Variants in TRMU observed in about 807,000 individuals in gnomAD.
TRMU encodes the protein tRNA mitochondrial 2-thiouridylase.
A neutral mutation model predicts 46.9 loss-of-function variants in TRMU; 49 were observed. The ratio of observed to expected loss-of-function variants is 1.05; its 90% CI spans 0.83 to 1.33. The LOEUF (loss-of-function observed/expected upper bound fraction) is 1.33. Ranked by LOEUF, TRMU falls within the 40% of genes most tolerant of loss-of-function variation. TRMU has a pLI of 0.00. For missense variants in TRMU, 572 were observed against 532.4 expected (o/e 1.07, Z -0.73); for synonymous variants, 241 against 200.9 (o/e 1.20, Z -1.69).
In TRMU at chr22:46,355,533, G is replaced by A. The variant is rs201210055; in HGVS notation, c.963G>A (p.Leu321=). Reference sequence around the variant, plus strand: ...TTGCGGAGGAGCCTCCCGCAGCACTGGTCCGGGACAAGATGATGGAGTGCC... The same window carrying A: ...TTGCGGAGGAGCCTCCCGCAGCACTAGTCCGGGACAAGATGATGGAGTGCC... ...HWIAEEPPAA[L]VRDKMMECHF... is the part of the protein sequence containing the mutation. The change falls in exon 9 of 11, where the codon CTG becomes CTA. Residue 321 remains leucine, a synonymous_variant. Transcript: ENST00000645190. 56 of 1,613,300 alleles carry A rather than the reference G, an allele frequency of 3.5e-5. No homozygotes were observed. In the East Asian group the frequency reaches 1.1e-3, roughly 33 times the overall value.
chr22:46,339,213 A>G lies in TRMU; in HGVS notation c.248+1269A>G, dbSNP rs6008758. On this transcript the variant is annotated intron_variant, in intron 2 of 10. Transcript: ENST00000645190. This position sits in a 1 kb window ranked among gnomAD's most constrained non-coding sequence, Gnocchi z 4.8. ...TGCCCAGGCTGGAGTGCAGTGGCGC[A>G]ATCTTGGCTCACTGCAACATCTGCC... Among the ~76,000 whole-genome samples the G allele has an allele frequency of 0.13, 19,332 of 152,080 alleles. 4,119 individuals are homozygous for G. Among genetic ancestry groups the G allele is most frequent in the African/African-American group, 0.44 (18,221 of 41,440 alleles).
In TRMU at chr22:46,337,825, T is replaced by G; in HGVS notation, c.129T>G (p.Asp43Glu). 6.2e-7 allele frequency: 1 copy of G among 1,614,258 alleles called. No homozygotes were observed. Among genetic ancestry groups the G allele is most frequent in the Admixed American group, 1.7e-5 (1 of 60,036 alleles). The change falls in exon 2 of 11, where the codon GAT becomes GAG. Residue 43 changes from aspartate (D) to glutamate (E), a missense_variant. Transcript: ENST00000645190. The stretch of plus-strand genomic sequence containing the variant: ...TTATGAAGAACTGGGACTCACTGGA[T>G]GAACATGGGGTCTGTACTGCCGACA... ...GVFMKNWDSL[D>E]EHGVCTADKD...
Position 46,355,594 on chromosome 22 carries a change from T to C in TRMU, c.1018+6T>C. ...CCGCCACCAGATGGCACTAGGTGAC[T>C]GACGGGAGGGCTCCTGAGGACGGGC... is the stretch of plus-strand genomic sequence containing the variant. On this transcript the variant is annotated splice_donor_region_variant and intron_variant, in intron 9 of 10. Coordinates refer to ENST00000645190, the MANE Select transcript of TRMU (RefSeq NM_018006.5). 6.2e-7 allele frequency: 1 copy of C among 1,613,348 alleles called. No homozygotes were observed. Among genetic ancestry groups the C allele is most frequent in the South Asian group, 1.1e-5 (1 of 91,092 alleles).
Position 46,342,961 on chromosome 22 carries a change from A to AG in TRMU, c.249-300dup, listed in dbSNP as rs2078159631. Among the ~76,000 whole-genome samples, 1 of 152,232 alleles carries AG rather than the reference A, an allele frequency of 6.6e-6. No individual in the cohort carries two copies. The highest frequency in any genetic ancestry group is 2.4e-5 in the African/African-American group (1 of 41,456). ...AGCCCTGCTGTGTTGGAGGAGTCCC[A>AG]GAGGCAGGGTTTTAGTGAGACCCTC... On this transcript the variant is annotated intron_variant, in intron 2 of 10. Transcript: ENST00000645190. This position sits in a 1 kb window ranked among gnomAD's most constrained non-coding sequence, Gnocchi z 4.7.
At chr22:46,345,849 C>T (rs2078241990) in intron 3 of TRMU, among the ~76,000 whole-genome samples, 1 of 151,874 alleles carries the variant, frequency 6.6e-6, no homozygotes, top group African/African-American at 2.4e-5. Context: ...CTTCCTGCAG[C>T]CTCAACCTCC....
chr22:46,340,575 C>T (rs1015831270), intron 2 of TRMU, among the ~76,000 whole-genome samples: 5 of 149,860 alleles, frequency 3.3e-5, no homozygotes, highest in African/African-American at 1.2e-4. Flanking sequence ...GAATTAGGAG[C>T]GGAGCTGGGA....
At chr22:46,353,686 C>A in intron 7 of TRMU, 81 bp from the exon 8 acceptor site, 1 of 1,352,180 alleles carries the variant, frequency 7.4e-7, no homozygotes, top group Non-Finnish European at 1.1e-6. Flanking sequence ...GCTGCCCTCC[C>A]AGCATCTGCC....
intron 10 of TRMU, chr22:46,356,360 T>G (rs1335781491): frequency 2.0e-6 from 1 of 495,974 alleles, no homozygotes; most frequent in African/African-American, 1.9e-5. Context: ...GGAAGGGGCA[T>G]GAGGACAGTG....
rs1280620441 is a variant in TRMU at position 46,342,903 on chromosome 22, A to T, written c.249-359A>T. Among the ~76,000 whole-genome samples the T allele has an allele frequency of 1.3e-5, 2 of 152,256 alleles. No homozygotes were observed. The highest frequency in any genetic ancestry group is 4.8e-5 in the African/African-American group (2 of 41,474). On this transcript the variant is annotated intron_variant, in intron 2 of 10. Coordinates refer to ENST00000645190, the MANE Select transcript of TRMU (RefSeq NM_018006.5). This position sits in a 1 kb window ranked among gnomAD's most constrained non-coding sequence, Gnocchi z 4.7. Reference sequence around the variant, plus strand: ...GGGAAGTCTAAAGGATTTCATTTCCACTGTCACTCAGGCATCTTCTCTTCC... The same window carrying T: ...GGGAAGTCTAAAGGATTTCATTTCCTCTGTCACTCAGGCATCTTCTCTTCC...
At chr22:46,345,008 G>A (rs1380002012) in intron 3 of TRMU, among the ~76,000 whole-genome samples, 1 of 152,168 alleles carries the variant, frequency 6.6e-6, no homozygotes, top group Non-Finnish European at 1.5e-5. Context: ...TAGTGTGGTT[G>A]GTCCAGGATG....
At chr22:46,346,393 C>A in intron 3 of TRMU, 29 bp from the exon 4 acceptor site, 2 of 1,608,092 alleles carry the variant, frequency 1.2e-6, no homozygotes, top group Non-Finnish European at 1.7e-6. Context: ...AGTCTAAAAC[C>A]TGATCCTTGT....
Position 46,337,911 on chromosome 22 carries a change from C to T in TRMU, c.215C>T (p.Ser72Phe), listed in dbSNP as rs1085307928. Residue 72 changes from serine (S) to phenylalanine (F), a missense_variant, in exon 2 of 11, where the codon TCC becomes TTC. Ser to Phe is a radical substitution (Grantham distance 155, BLOSUM62 -2). Transcript: ENST00000645190. ...QILDIPFHQV[S>F]YVKEYWNDVF... ...TTAGACATCCCTTTCCATCAAGTGT[C>T]CTACGTAAAGGAGTATTGGAATGAT... 1 of 1,614,180 alleles carries T rather than the reference C, an allele frequency of 6.2e-7. No individual in the cohort carries two copies. Among genetic ancestry groups the T allele is most frequent in the Non-Finnish European group, 8.5e-7 (1 of 1,180,028 alleles).
Position 46,336,275 on chromosome 22 carries a change from C to T in TRMU, c.82+429C>T. 2 of 405,666 alleles carry T rather than the reference C, an allele frequency of 4.9e-6. No homozygotes were observed. Among genetic ancestry groups the T allele is most frequent in the Non-Finnish European group, 6.9e-6 (2 of 287,812 alleles). 25.1% of individuals were successfully genotyped at this position (405,666 alleles called of 1,614,324 possible). ...TGGCCGCCCGGTGGGAGGTCCTTGT[C>T]CTCCCCACTCAGCAGACTGGACAAC... is the stretch of plus-strand genomic sequence containing the variant. On this transcript the variant is annotated intron_variant, in intron 1 of 10. Transcript: ENST00000645190. This position sits in a 1 kb window ranked among gnomAD's most constrained non-coding sequence, Gnocchi z 4.1.
Position 46,356,917 on chromosome 22 carries a change from C to A in TRMU, c.1177C>A (p.Leu393Ile), listed in dbSNP as rs1375724094. The change falls in exon 11 of 11, where the codon CTC becomes ATC. Residue 393 changes from leucine to isoleucine, a missense_variant. By Grantham distance (5) the Leu-to-Ile change is conservative (BLOSUM62 2). Transcript: ENST00000645190. ...GCGGCTGGGGCCGTCTGCCTACACGCTCCAGAAGGGCCAGCGCAGAGCTGG... is the reference window on the plus strand; with the variant it reads ...GCGGCTGGGGCCGTCTGCCTACACGATCCAGAAGGGCCAGCGCAGAGCTGG... ...ILRLGPSAYTLQKGQRRAGMA... is the reference protein window; with the variant it reads ...ILRLGPSAYTIQKGQRRAGMA... 1 of 1,613,292 alleles carries A rather than the reference C, an allele frequency of 6.2e-7. No individual in the cohort carries two copies. Among genetic ancestry groups the A allele is most frequent in the East Asian group, 2.2e-5 (1 of 44,884 alleles).
Position 46,347,181 on chromosome 22 carries a change from G to A in TRMU, c.478+637G>A, listed in dbSNP as rs1431968343. 1.3e-5 allele frequency among the ~76,000 whole-genome samples: 2 copies of A among 152,190 alleles called. No individual in the cohort carries two copies. Among genetic ancestry groups the A allele is most frequent in the Non-Finnish European group, 2.9e-5 (2 of 68,040 alleles). ...GAAAAACCAAGTGGGGCTCAGAGCC[G>A]TGTTTCCGCACGGAGCGTCCGTCCA... is the stretch of plus-strand genomic sequence containing the variant. On this transcript the variant is annotated intron_variant, in intron 4 of 10. Coordinates refer to ENST00000645190, the MANE Select transcript of TRMU (RefSeq NM_018006.5). The surrounding 1 kb of genome is among the most constrained non-coding windows in gnomAD (Gnocchi z 5.0).
rs372848084 is a variant in TRMU, at chr22:46,350,265, C to T, written c.479-26C>T. Reference sequence around the variant, plus strand: ...AGTATCATTATTTTTATTCCTGCATCGTCTTTTGTTCTTTATTCTTGGCAG... The same window carrying T: ...AGTATCATTATTTTTATTCCTGCATTGTCTTTTGTTCTTTATTCTTGGCAG... On this transcript the variant is annotated intron_variant, in intron 4 of 10. Coordinates refer to ENST00000645190, the MANE Select transcript of TRMU (RefSeq NM_018006.5). This position sits in a 1 kb window ranked among gnomAD's most constrained non-coding sequence, Gnocchi z 4.6. 25 of 1,613,714 alleles carry T rather than the reference C, an allele frequency of 1.5e-5. No individual in the cohort carries two copies. The African/African-American group carries it at 2.1e-4, about 14-fold the overall frequency.
At position 46,335,792 on chromosome 22, in the gene TRMU, G is replaced by A. The variant is rs11090865; in HGVS notation, c.28G>A (p.Ala10Thr). 1 of 1,561,028 alleles carries A rather than the reference G, an allele frequency of 6.4e-7. No individual in the cohort carries two copies. The highest frequency in any genetic ancestry group is 8.6e-7 in the Non-Finnish European group (1 of 1,158,154). MQALRHVVC[A>T]LSGGVDSAVA... ...GCAGGCCTTGCGGCACGTCGTGTGCGCCCTGTCCGGCGGCGTGGACAGCGC... is the reference window on the plus strand; with the variant it reads ...GCAGGCCTTGCGGCACGTCGTGTGCACCCTGTCCGGCGGCGTGGACAGCGC... The change falls in exon 1 of 11, where the codon GCC becomes ACC. Residue 10 changes from alanine to threonine, a missense_variant. Transcript: ENST00000645190.
Position 46,352,443 on chromosome 22 carries a change from T to G in TRMU, c.772+113T>G, listed in dbSNP as rs1187806510. ...TCCCTTCCACTTGGCTGGAGAATTG[T>G]AGAAGGCTCTGTGGGGCGGCCGGGG... is the stretch of plus-strand genomic sequence containing the variant. On this transcript the variant is annotated intron_variant, in intron 7 of 10. Transcript: ENST00000645190. 2.9e-6 allele frequency: 4 copies of G among 1,358,504 alleles called. No homozygotes were observed. In the Middle Eastern group the frequency reaches 5.8e-4, roughly 196 times the overall value. The allele number at this position is 1,358,504 out of a possible 1,614,324, so 84.2% of individuals were successfully genotyped here. A position where few individuals can be genotyped will look rare whatever the true frequency, so the allele number is the denominator to read the frequency against.
At position 46,338,470 on chromosome 22, in the gene TRMU, GGA is replaced by G. The variant is rs1445498546; in HGVS notation, c.248+528_248+529del. On this transcript the variant is annotated intron_variant, in intron 2 of 10. Coordinates refer to ENST00000645190, the MANE Select transcript of TRMU (RefSeq NM_018006.5). The surrounding 1 kb of genome is among the most constrained non-coding windows in gnomAD (Gnocchi z 4.5). The stretch of plus-strand genomic sequence containing the variant: ...GTCTTCACTGTGACCTGGCTCTGTA[GGA>G]GTTTGCGGTCTAGTTGGGAGGACAT... Among the ~76,000 whole-genome samples, 1 of 152,266 alleles carries G rather than the reference GGA, an allele frequency of 6.6e-6. No individual in the cohort carries two copies. Among genetic ancestry groups the G allele is most frequent in the African/African-American group, 2.4e-5 (1 of 41,472 alleles).
Sources: gnomAD v4.1 joint callset for allele counts (sites outside exome capture counted in the v4.1 genomes callset) on GRCh38, gnomAD v4.1.1 for gene constraint, Gnocchi (gnomAD v3.1) non-coding constraint, MANE v1.5 for transcripts, NCBI Gene and HGNC (gene_info 2026-07-23, HGNC 2026-07-21) for gene names.